GRIPAP1: variants seen among roughly 807,000 people sequenced by gnomAD.
GRIPAP1 encodes the protein GRIP1-associated protein 1.
Under a neutral mutation model 84.1 loss-of-function variants are expected in GRIPAP1, and 14 were observed. The ratio of observed to expected loss-of-function variants is 0.17; its 90% confidence interval spans 0.11 to 0.26. The LOEUF (loss-of-function observed/expected upper bound fraction) is 0.26. Among genes scored for constraint, GRIPAP1 ranks in the 10% least tolerant of loss-of-function variants. The probability of loss-of-function intolerance (pLI) is 1.00; values close to 1 mark genes in which losing one functional copy is unlikely to be tolerated. For synonymous variants in GRIPAP1, 261 were observed against 256.8 expected, an observed-to-expected ratio of 1.02 and a Z score of -0.15; for missense variants, 518 against 674.2, an observed-to-expected ratio of 0.77 and a Z score of 2.57.
intron 13 of GRIPAP1, among the ~76,000 whole-genome samples, chrX:48,985,734 A>C (rs1192795627): frequency 6.3e-5 from 7 of 111,163 alleles, no homozygotes; most frequent in African/African-American, 2.3e-4. Context: ...GTTGCTAGAG[A>C]TCAGAATAAT....
intron 17 of GRIPAP1, among the ~76,000 whole-genome samples, chrX:48,982,199 C>A (rs2064461522): frequency 1.8e-5 from 2 of 112,069 alleles, no homozygotes; most frequent in South Asian, 7.3e-4. Context: ...ATTGTTACCC[C>A]CTTTTTACCA....
In GRIPAP1 at chrX:48,974,458, C is replaced by A. The variant is rs146288486; in HGVS notation, c.2434-173G>T. On this transcript the variant is annotated intron_variant, in intron 25 of 25. Coordinates refer to ENST00000376423, the MANE Select transcript of GRIPAP1 (RefSeq NM_020137.5). ...AGCTCACAGCACCCCCAACAGTGGG[C>A]AGGGCTCAGAAAAGTCATGAGGATG... is the stretch of plus-strand genomic sequence containing the variant. Among the ~76,000 whole-genome samples the A allele has an allele frequency of 2.5e-3, 283 of 111,963 alleles. 3 individuals are homozygous for A. In the East Asian group the frequency reaches 0.072, roughly 29 times the overall value.
chrX:48,988,586 A>G (rs1221784110), intron 11 of GRIPAP1: 2 of 160,975 alleles, frequency 1.2e-5, no homozygotes, highest in African/African-American at 6.0e-5. Flanking sequence ...TGACAGTTTC[A>G]CCCAGCCTCC....
chrX:48,976,482 A>G, intron 22 of GRIPAP1, 119 bp from the exon 23 acceptor site: 1 of 878,238 alleles, frequency 1.1e-6, no homozygotes. Flanking sequence ...TGGGCCCTGA[A>G]GCTGGGACTG....
intron 17 of GRIPAP1, 45 bp downstream of exon 17, chrX:48,982,934 G>C (rs781895561): frequency 1.2e-6 from 1 of 849,934 alleles, no homozygotes; most frequent in Non-Finnish European, 1.8e-6. Context: ...TTTGACATGA[G>C]GGCCCCAATC....
At chrX:48,993,716 T>G in intron 5 of GRIPAP1, 138 bp from the exon 6 acceptor site, 1 of 401,394 alleles carries the variant, frequency 2.5e-6, no homozygotes, top group Non-Finnish European at 4.0e-6. Flanking sequence ...CCTCCCACTT[T>G]ACAAATAAGG....
At chrX:49,002,100 C>A in intron 1 of GRIPAP1, 88 bp downstream of exon 1, 1 of 581,730 alleles carries the variant, frequency 1.7e-6, no homozygotes. Context: ...CCATCCCAAC[C>A]AACCCCTTCT....
Position 48,983,045 on chromosome X carries a change from A to C in GRIPAP1, c.1533T>G (p.Leu511=). 1 of 1,209,054 alleles carries C rather than the reference A, an allele frequency of 8.3e-7. No homozygotes were observed. The highest frequency in any genetic ancestry group is 2.2e-5 in the Admixed American group (1 of 46,083). ...CATCCATGGAATGTACCTGAGCTTG[A>C]AGTTCTTCCACTGTCTGCTGGAGAG... ...LETLQQTVEE[L]QAQVHSMDGA... The change falls in exon 17 of 26, where the codon CTT becomes CTG. Residue 511 remains leucine, a synonymous_variant. Transcript: ENST00000376423.
chrX:48,999,952 T>C (rs1557067996), intron 1 of GRIPAP1, among the ~76,000 whole-genome samples: 1 of 111,084 alleles, frequency 9.0e-6, no homozygotes, highest in African/African-American at 3.3e-5. Flanking sequence ...AGGGCCTGTC[T>C]TCCTCCCTCT....
intron 11 of GRIPAP1, 81 bp from the exon 12 acceptor site, chrX:48,988,279 C>T: frequency 1.5e-6 from 1 of 672,349 alleles, no homozygotes; most frequent in Non-Finnish European, 2.3e-6. Flanking sequence ...TGTTTGACCA[C>T]CCAGCAGCAT....
At chrX:49,000,364 CAAAAAAAAAAAAAAAAA>C (rs1156902802) in intron 1 of GRIPAP1, among the ~76,000 whole-genome samples, 2 of 22,215 alleles carry the variant, frequency 9.0e-5, no homozygotes, top group African/African-American at 2.9e-4. Flanking sequence ...GACTCTGTCT[CAAAAAAAAAAAAAAAAA>C]AAAAAAAAAA....
intron 4 of GRIPAP1, 194 bp downstream of exon 4, chrX:48,997,960 G>C: frequency 2.2e-6 from 1 of 454,522 alleles, no homozygotes. Context: ...AATGGAAAGA[G>C]AGAGAAGGAA....
chrX:48,981,663 C>T lies in GRIPAP1; in HGVS notation c.1706G>A (p.Arg569Gln), dbSNP rs146718584. 1.9e-4 allele frequency: 226 copies of T among 1,207,881 alleles called. No individual in the cohort carries two copies. The South Asian group carries it at 2.1e-3, about 11-fold the overall frequency. ...CTCCTGGGCCTGCTCGAGCTGATCC[C>T]GTACATCCTGTAGCTCCTCCTCCTT... is the stretch of plus-strand genomic sequence containing the variant. ...KGKEEELQDVRDQLEQAQEER... is the reference protein window; with the variant it reads ...KGKEEELQDVQDQLEQAQEER... The change falls in exon 19 of 26, where the codon CGG becomes CAG. Residue 569 changes from arginine (R) to glutamine (Q), a missense_variant. Arg to Gln is a conservative substitution (Grantham distance 43, BLOSUM62 1). Around this residue, in one of 5 missense-constraint regions of GRIPAP1, gnomAD observed 372 missense variants for 458.1 expected, o/e 0.81. Transcript: ENST00000376423.
rs782800213 is a variant in GRIPAP1 at position 48,993,494 on chromosome X, G to T, written c.391C>A (p.Pro131Thr). 8.4e-7 allele frequency: 1 copy of T among 1,190,783 alleles called. No homozygotes were observed. Among genetic ancestry groups the T allele is most frequent in the Non-Finnish European group, 1.1e-6 (1 of 884,799 alleles). The change falls in exon 6 of 26, where the codon CCC becomes ACC. Residue 131 changes from proline to threonine, a missense_variant. By Grantham distance (38) the Pro-to-Thr change is conservative. Coordinates refer to ENST00000376423, the MANE Select transcript of GRIPAP1 (RefSeq NM_020137.5). ...CTCAGCAGCTCCCCATCCACGAGGG[G>T]CCCAGCTTGGGCAACCCCTGCTCCT... ...AAGAGVAQAG[P>T]LVDGELLRLQ...
In GRIPAP1 at chrX:48,975,682, G is replaced by A. The variant is rs782344638; in HGVS notation, c.2278+336C>T. 4.7e-4 allele frequency: 160 copies of A among 341,128 alleles called. 1 individual carries two copies. The highest frequency in any genetic ancestry group is 3.8e-3 in the African/African-American group (146 of 38,153). 28.1% of individuals were successfully genotyped at this position (341,128 alleles called of 1,213,427 possible). A position where few individuals can be genotyped will look rare whatever the true frequency, so the allele number is the denominator to read the frequency against. The stretch of plus-strand genomic sequence containing the variant: ...ACAGAGAAGGAAAACAATATAGACA[G>A]CGAGACAAGATGAAGGAGTGGGGTG... On this transcript the variant is annotated intron_variant, in intron 24 of 25. Transcript: ENST00000376423.
chrX:48,996,970 T>C (rs1269543599), intron 5 of GRIPAP1, among the ~76,000 whole-genome samples: 1 of 111,474 alleles, frequency 9.0e-6, no homozygotes, highest in Admixed American at 9.6e-5. Context: ...CACCACAGCA[T>C]CAACCCCACA....
At position 48,973,957 on chromosome X, in the gene GRIPAP1, A is replaced by G. The variant is rs1212708197; in HGVS notation, c.*236T>C. On this transcript the variant is annotated 3_prime_UTR_variant, in exon 26 of 26. Coordinates refer to ENST00000376423, the MANE Select transcript of GRIPAP1 (RefSeq NM_020137.5). Reference sequence around the variant, plus strand: ...AGAGATGAAGACAGAAGCCCTTGGGAGCCAGGACCAAGAAGAAGGAGAAAT... The same window carrying G: ...AGAGATGAAGACAGAAGCCCTTGGGGGCCAGGACCAAGAAGAAGGAGAAAT... 6 of 307,112 alleles carry G rather than the reference A, an allele frequency of 2.0e-5. No individual in the cohort carries two copies. The highest frequency in any genetic ancestry group is 8.0e-5 in the African/African-American group (3 of 37,675). The allele number at this position is 307,112 out of a possible 1,213,427, so 25.3% of individuals were successfully genotyped here. A position where few individuals can be genotyped will look rare whatever the true frequency, so the allele number is the denominator to read the frequency against.
At chrX:49,001,365 C>G (rs1265555892) in intron 1 of GRIPAP1, among the ~76,000 whole-genome samples, 2 of 103,627 alleles carry the variant, frequency 1.9e-5, no homozygotes, top group African/African-American at 7.1e-5. Context: ...GACCCCCCCC[C>G]CAGTGAGGAA....
At chrX:49,001,323 G>T (rs2064578188) in intron 1 of GRIPAP1, among the ~76,000 whole-genome samples, 1 of 107,528 alleles carries the variant, frequency 9.3e-6, no homozygotes, top group Non-Finnish European at 1.9e-5. Context: ...CTCCCTCAGA[G>T]TTCCTCCCCT....
Sources: allele counts gnomAD v4.1 joint callset (sites outside exome capture counted in the v4.1 genomes callset), GRCh38; gene constraint gnomAD v4.1.1; regional missense constraint gnomAD v4.1.1; transcripts MANE v1.5; gene names NCBI Gene and HGNC (gene_info 2026-07-23, HGNC 2026-07-21).